The following PKNOX2 variants were observed in gnomAD, a reference collection of about 807,000 sequenced individuals.
The protein encoded by PKNOX2 is homeobox protein PKNOX2.
A neutral mutation model predicts 53.1 loss-of-function variants in PKNOX2; 14 were observed. That is an observed-to-expected ratio of 0.26 (90% CI 0.17 to 0.41). The LOEUF (loss-of-function observed/expected upper bound fraction) is 0.41, where lower values mean the gene tolerates loss of function less well. PKNOX2 is among the 10% of genes least tolerant of loss of function. The pLI, the probability that PKNOX2 is intolerant of heterozygous loss-of-function variation, is 1.00. For missense variants in PKNOX2, 496 were observed against 602.8 expected (o/e 0.82, Z 1.85); for synonymous variants, 257 against 242.8 (o/e 1.06, Z -0.54).
At chr11:125,244,818 G>A (rs75917353) in intron 2 of PKNOX2, among the ~76,000 whole-genome samples, 2 of 152,298 alleles carry the variant, frequency 1.3e-5, no homozygotes, top group East Asian at 3.9e-4. Context: ...GAGCATCTGG[G>A]GGAGGGCAGG....
rs1181393046 is a variant in PKNOX2 at position 125,352,956 on chromosome 11, C to T, written c.87+1564C>T. On this transcript the variant is annotated intron_variant, in intron 4 of 12. Coordinates refer to ENST00000298282, the MANE Select transcript of PKNOX2 (RefSeq NM_001382323.2). This position sits in a 1 kb window ranked among gnomAD's most constrained non-coding sequence, Gnocchi z 4.1. ...CCCGAGACAAAGTTCAGAAGGAGCC[C>T]TCAACTGATGGGAACCTTTTGCCTC... Among the ~76,000 whole-genome samples, 1 of 152,138 alleles carries T rather than the reference C, an allele frequency of 6.6e-6. No individual in the cohort carries two copies. The highest frequency in any genetic ancestry group is 2.1e-4 in the South Asian group (1 of 4,816).
chr11:125,314,487 C>T (rs1428541237), intron 2 of PKNOX2, among the ~76,000 whole-genome samples: 1 of 152,166 alleles, frequency 6.6e-6, no homozygotes, highest in Non-Finnish European at 1.5e-5. Flanking sequence ...GAGCATGCTG[C>T]TTCCCCGCAT....
chr11:125,181,337 G>GT (rs1956147208), intron 1 of PKNOX2, among the ~76,000 whole-genome samples: 1 of 152,260 alleles, frequency 6.6e-6, no homozygotes, highest in South Asian at 2.1e-4. Context: ...AGACAGTAGA[G>GT]TGAGGTCAAG....
At chr11:125,343,678 T>C (rs1346599336) in intron 3 of PKNOX2, among the ~76,000 whole-genome samples, 1 of 152,168 alleles carries the variant, frequency 6.6e-6, no homozygotes, top group East Asian at 1.9e-4. Context: ...GTAAAATATA[T>C]CAGCAGCTTT....
chr11:125,387,261 G>A (rs745428851), intron 6 of PKNOX2, among the ~76,000 whole-genome samples: 23 of 152,320 alleles, frequency 1.5e-4, no homozygotes, highest in Non-Finnish European at 2.6e-4. Context: ...TAGGAGCTGG[G>A]ATGGACCTGG....
chr11:125,213,067 C>T (rs186831682), intron 1 of PKNOX2, among the ~76,000 whole-genome samples: 7 of 152,244 alleles, frequency 4.6e-5, no homozygotes, highest in Admixed American at 3.3e-4. Context: ...TCCTCTCTCT[C>T]GGCCTCCTTG....
At chr11:125,171,289 G>C (rs761350191) in intron 1 of PKNOX2, among the ~76,000 whole-genome samples, 9 of 152,170 alleles carry the variant, frequency 5.9e-5, no homozygotes, top group Non-Finnish European at 1.3e-4. Flanking sequence ...AGCATCTTCT[G>C]TGTCCCCGGC....
chr11:125,307,950 G>A (rs1948569620), intron 2 of PKNOX2, among the ~76,000 whole-genome samples: 1 of 152,214 alleles, frequency 6.6e-6, no homozygotes, highest in South Asian at 2.1e-4. Flanking sequence ...AAAATGTACT[G>A]CCAAGGCTAG....
rs368215169 is a variant in PKNOX2, at chr11:125,310,488, C to G, written c.-129-21331C>G. Among the ~76,000 whole-genome samples, 111 of 151,096 alleles carry G rather than the reference C, an allele frequency of 7.3e-4. 6 individuals carry two copies. The highest frequency in any genetic ancestry group is 1.0e-3 in the African/African-American group (41 of 41,198). On this transcript the variant is annotated intron_variant, in intron 2 of 12. Transcript: ENST00000298282. ...CCAGCCTGTGAGATAGAGTGAGACTCTGTCTCAAAAAAAAAAATAATAAAA... is the reference window on the plus strand; with the variant it reads ...CCAGCCTGTGAGATAGAGTGAGACTGTGTCTCAAAAAAAAAAATAATAAAA...
At chr11:125,368,190 A>G (rs1011716405) in intron 5 of PKNOX2, among the ~76,000 whole-genome samples, 6 of 152,182 alleles carry the variant, frequency 3.9e-5, no homozygotes, top group African/African-American at 9.7e-5. Flanking sequence ...ATGTCTAGGG[A>G]AGGATATGGA....
At position 125,165,954 on chromosome 11, in the gene PKNOX2, G is replaced by A. The variant is rs1266689640; in HGVS notation, c.-201+1178G>A. On this transcript the variant is annotated intron_variant, in intron 1 of 12. Coordinates refer to ENST00000298282, the MANE Select transcript of PKNOX2 (RefSeq NM_001382323.2). The surrounding 1 kb of genome is among the most constrained non-coding windows in gnomAD (Gnocchi z 4.5). ...CGAGCGAAATGGGCCGTCCTTTCCC[G>A]GGGCTCTTCACGGGGGAGCCGGGGG... 6.6e-6 allele frequency among the ~76,000 whole-genome samples: 1 copy of A among 152,160 alleles called. No individual in the cohort carries two copies. Among genetic ancestry groups the A allele is most frequent in the Non-Finnish European group, 1.5e-5 (1 of 68,032 alleles).
chr11:125,225,251 AACT>A (rs1474047581), intron 1 of PKNOX2, among the ~76,000 whole-genome samples: 1 of 152,140 alleles, frequency 6.6e-6, no homozygotes, highest in Non-Finnish European at 1.5e-5. Flanking sequence ...CTCCCTAGTC[AACT>A]GGTTGTCTGT....
intron 3 of PKNOX2, among the ~76,000 whole-genome samples, chr11:125,342,060 A>T (rs536046955): frequency 1.1e-4 from 17 of 152,276 alleles, no homozygotes; most frequent in Non-Finnish European, 2.4e-4. Context: ...AGGAAGGTGC[A>T]GGAAGGGCAC....
chr11:125,284,164 C>A (rs1946752517), intron 2 of PKNOX2, among the ~76,000 whole-genome samples: 1 of 152,306 alleles, frequency 6.6e-6, no homozygotes, highest in East Asian at 1.9e-4. Context: ...TCATGTAATG[C>A]CTGGCACATG....
chr11:125,427,947 C>A (rs1193510179), intron 10 of PKNOX2, among the ~76,000 whole-genome samples: 2 of 152,162 alleles, frequency 1.3e-5, no homozygotes, highest in African/African-American at 4.8e-5. Flanking sequence ...ACTCTCTTCC[C>A]ACTGCCACCC....
chr11:125,216,248 C>G (rs976421265), intron 1 of PKNOX2, among the ~76,000 whole-genome samples: 2 of 152,168 alleles, frequency 1.3e-5, no homozygotes, highest in Non-Finnish European at 2.9e-5. Context: ...CATGAGTAGC[C>G]AGAGGACTAA....
intron 2 of PKNOX2, among the ~76,000 whole-genome samples, chr11:125,309,975 T>A (rs1948707063): frequency 6.6e-6 from 1 of 152,176 alleles, no homozygotes; most frequent in Non-Finnish European, 1.5e-5. Flanking sequence ...AGCTAAAAAC[T>A]CTTCCGGTTC....
At chr11:125,263,227 T>G (rs1392385754) in intron 2 of PKNOX2, among the ~76,000 whole-genome samples, 1 of 152,116 alleles carries the variant, frequency 6.6e-6, no homozygotes, top group Non-Finnish European at 1.5e-5. Context: ...CATGCCTCGG[T>G]TCATAAAGGA....
chr11:125,225,761 A>T (rs1321506978), intron 1 of PKNOX2, among the ~76,000 whole-genome samples: 1 of 152,210 alleles, frequency 6.6e-6, no homozygotes, highest in Non-Finnish European at 1.5e-5. Flanking sequence ...TCAGTCACAC[A>T]GTTGAAAATT....
Sources: allele counts gnomAD v4.1 joint callset (sites outside exome capture counted in the v4.1 genomes callset), GRCh38; gene constraint gnomAD v4.1.1; non-coding constraint Gnocchi (gnomAD v3.1); transcripts MANE v1.5; gene names NCBI Gene and HGNC (gene_info 2026-07-23, HGNC 2026-07-21).